The following NALCN variants were observed in gnomAD, a reference collection of about 807,000 sequenced individuals.
NALCN encodes the protein sodium leak channel NALCN.
Under a neutral mutation model 225.3 loss-of-function variants are expected in NALCN, and 111 were observed. The ratio of observed to expected loss-of-function variants is 0.49; its 90% CI spans 0.42 to 0.58. NALCN has a LOEUF of 0.58. NALCN is among the 20% of genes least tolerant of loss of function. The probability of loss-of-function intolerance (pLI) is 0.00; values close to 1 mark genes in which losing one functional copy is unlikely to be tolerated. For synonymous variants in NALCN, 764 were observed against 769.0 expected (o/e 0.99, Z 0.11); for missense variants, 1,378 against 2,202.4 (o/e 0.63, Z 7.49).
At chr13:101,114,144 GC>G in intron 18 of NALCN, among the ~76,000 whole-genome samples, 1 of 152,292 alleles carries the variant, frequency 6.6e-6, no homozygotes. Flanking sequence ...GAAAACATAA[GC>G]TTTAAAAGCA....
At chr13:101,401,122 C>T (rs1034360333) in intron 1 of NALCN, among the ~76,000 whole-genome samples, 1 of 152,134 alleles carries the variant, frequency 6.6e-6, no homozygotes, top group Non-Finnish European at 1.5e-5. Flanking sequence ...CAGAAGAAAA[C>T]AAGCTAACTG....
In NALCN at chr13:101,090,083, C is replaced by A. The variant is rs1594181515; in HGVS notation, c.3270-117G>T. 6.4e-6 allele frequency: 9 copies of A among 1,397,594 alleles called. No homozygotes were observed. The East Asian group carries it at 2.1e-4, about 32-fold the overall frequency. 86.6% of individuals were successfully genotyped at this position (1,397,594 alleles called of 1,614,324 possible). A position where few individuals can be genotyped will look rare whatever the true frequency, so the allele number is the denominator to read the frequency against. On this transcript the variant is annotated intron_variant, in intron 28 of 43. Transcript: ENST00000251127. ...ATATGTGTGTGTGTGTGTATATACACACACATATATACACACACACGTGTG... is the reference window on the plus strand; with the variant it reads ...ATATGTGTGTGTGTGTGTATATACAAACACATATATACACACACACGTGTG...
chr13:101,191,972 A>G lies in NALCN; in HGVS notation c.1709T>C (p.Met570Thr). The change falls in exon 14 of 44, where the codon ATG becomes ACG. Residue 570 changes from methionine (M) to threonine (T), a missense_variant. Physicochemically the swap from Met to Thr is moderately conservative, Grantham distance 81. Coordinates refer to ENST00000251127, the MANE Select transcript of NALCN (RefSeq NM_052867.4). ...ATAGATGGCAACCACGGGTGCCCAC[A>G]TATGTCCCACAGCATTTAGAGTTTG... ...MDQTLNAVGH[M>T]WAPVVAIYFI... The G allele has an allele frequency of 6.2e-7, 1 of 1,609,006 alleles. No homozygotes were observed. Among genetic ancestry groups the G allele is most frequent in the Non-Finnish European group, 8.5e-7 (1 of 1,177,954 alleles).
chr13:101,055,674 G>C lies in NALCN; in HGVS notation c.5024-186C>G, dbSNP rs148072237. Among the ~76,000 whole-genome samples, 238 of 151,552 alleles carry C rather than the reference G, an allele frequency of 1.6e-3. 1 individual carries two copies. The highest frequency in any genetic ancestry group is 5.4e-3 in the African/African-American group (222 of 41,310). On this transcript the variant is annotated intron_variant, in intron 43 of 43. Coordinates refer to ENST00000251127, the MANE Select transcript of NALCN (RefSeq NM_052867.4). The stretch of plus-strand genomic sequence containing the variant: ...CACGATAGATTTTTTTTTTAATTGT[G>C]CTCATGGACAACTAATGATGTCATT...
Position 101,315,283 on chromosome 13 carries a change from C to A in NALCN, c.800-22917G>T, listed in dbSNP as rs1049837039. On this transcript the variant is annotated intron_variant, in intron 7 of 43. Transcript: ENST00000251127. ...ATCTGAACACCCTTAAAGAAGAGAG[C>A]GAAAACTGTCAAGAGCCAGCAAAGG... 3.3e-5 allele frequency among the ~76,000 whole-genome samples: 5 copies of A among 152,148 alleles called. No homozygotes were observed. In the South Asian group the frequency reaches 1.0e-3, roughly 32 times the overall value.
chr13:101,303,274 GT>G (rs1412857280), intron 7 of NALCN, among the ~76,000 whole-genome samples: 1 of 152,148 alleles, frequency 6.6e-6, no homozygotes, highest in Non-Finnish European at 1.5e-5. Flanking sequence ...ATTAGAACGA[GT>G]TTTAAATTAA....
intron 6 of NALCN, among the ~76,000 whole-genome samples, chr13:101,354,788 G>A (rs971135367): frequency 2.0e-5 from 3 of 152,174 alleles, no homozygotes; most frequent in African/African-American, 7.2e-5. Flanking sequence ...TTGTATGGCT[G>A]GAGAGAGGCA....
intron 35 of NALCN, 22 bp from the exon 36 acceptor site, chr13:101,074,684 C>T (rs375780269): frequency 8.2e-5 from 128 of 1,561,536 alleles, no homozygotes; most frequent in African/African-American, 2.1e-4. Flanking sequence ...GGGTGGGAAG[C>T]GGGGAGACAG....
At chr13:101,108,289 A>G (rs1400731804) in intron 20 of NALCN, among the ~76,000 whole-genome samples, 2 of 152,144 alleles carry the variant, frequency 1.3e-5, no homozygotes, top group African/African-American at 2.4e-5. Context: ...TAATTCATTC[A>G]GCACATATTG....
At chr13:101,320,200 T>A (rs1233765501) in intron 7 of NALCN, among the ~76,000 whole-genome samples, 1 of 152,252 alleles carries the variant, frequency 6.6e-6, no homozygotes, top group Non-Finnish European at 1.5e-5. Flanking sequence ...GTCTTACACG[T>A]ATGCGACAAC....
At chr13:101,091,346 G>A (rs1457747638) in intron 28 of NALCN, among the ~76,000 whole-genome samples, 1 of 152,034 alleles carries the variant, frequency 6.6e-6, no homozygotes, top group Non-Finnish European at 1.5e-5. Context: ...GGGAAAATCT[G>A]GTTCTGTACT....
chr13:101,116,378 G>C, intron 18 of NALCN: 1 of 292,822 alleles, frequency 3.4e-6, no homozygotes, highest in Non-Finnish European at 6.8e-6. Context: ...TCTTGAAATT[G>C]TCTCTATTTT....
intron 7 of NALCN, among the ~76,000 whole-genome samples, chr13:101,308,563 A>C (rs2044231830): frequency 6.6e-6 from 1 of 152,134 alleles, no homozygotes; most frequent in South Asian, 2.1e-4. Flanking sequence ...TGCTTGAGCC[A>C]TTGTGTTGTG....
chr13:101,225,609 C>A (rs2041112128), intron 13 of NALCN, among the ~76,000 whole-genome samples: 1 of 152,182 alleles, frequency 6.6e-6, no homozygotes, highest in Non-Finnish European at 1.5e-5. Context: ...CTGGAGCAGT[C>A]CTCCAAAATA....
chr13:101,337,277 A>ATTTAT (rs10642688), intron 7 of NALCN, among the ~76,000 whole-genome samples: 50 of 142,616 alleles, frequency 3.5e-4, no homozygotes, highest in African/African-American at 1.3e-3. Flanking sequence ...TTTACTCTTT[A>ATTTAT]TTATTTATTT....
chr13:101,235,575 G>C (rs1336772544), intron 12 of NALCN, among the ~76,000 whole-genome samples: 1 of 152,186 alleles, frequency 6.6e-6, no homozygotes, highest in African/African-American at 2.4e-5. Context: ...TGTTTGGAAA[G>C]CACATTTTGT....
intron 1 of NALCN, among the ~76,000 whole-genome samples, chr13:101,413,487 T>C (rs1377620875): frequency 6.6e-6 from 1 of 151,940 alleles, no homozygotes; most frequent in Non-Finnish European, 1.5e-5. Context: ...GGTATGGTGT[T>C]ATACAGCCAT....
At chr13:101,312,297 T>C (rs1231338787) in intron 7 of NALCN, among the ~76,000 whole-genome samples, 1 of 152,176 alleles carries the variant, frequency 6.6e-6, no homozygotes, top group Non-Finnish European at 1.5e-5. Flanking sequence ...TTTGTTGATC[T>C]TTTCAAAAAA....
At chr13:101,377,199 T>G in intron 4 of NALCN, 143 bp from the exon 5 acceptor site, 1 of 983,436 alleles carries the variant, frequency 1.0e-6, no homozygotes, top group Non-Finnish European at 1.5e-6. Flanking sequence ...AAAATCCACT[T>G]TCTTTTGAGT....
Sources: gnomAD v4.1 joint callset for allele counts (sites outside exome capture counted in the v4.1 genomes callset) on GRCh38, gnomAD v4.1.1 for gene constraint, MANE v1.5 for transcripts, NCBI Gene and HGNC (gene_info 2026-07-23, HGNC 2026-07-21) for gene names.